The following FBXO10 variants were observed in gnomAD, a reference collection of about 807,000 sequenced individuals.
The protein encoded by FBXO10 is F-box only protein 10.
A neutral mutation model predicts 80.7 loss-of-function variants in FBXO10; 39 were observed. That is an observed-to-expected ratio of 0.48 (90% CI 0.37 to 0.63). The LOEUF is 0.63. Ranked by LOEUF, FBXO10 falls within the 30% of genes least tolerant of loss-of-function variation. FBXO10 has a pLI of 0.00. For synonymous variants in FBXO10, 449 were observed against 489.6 expected (o/e 0.92, Z 1.09); for missense variants, 1,025 against 1,269.0 (o/e 0.81, Z 2.92).
intron 10 of FBXO10, chr9:37,514,930 A>T (rs752708425): frequency 1.3e-5 from 2 of 152,124 alleles, no homozygotes; most frequent in Non-Finnish European, 2.9e-5. Context: ...AAGTATGGAG[A>T]TCATTACAAC....
chr9:37,545,937 G>A (rs945109420), intron 1 of FBXO10, among the ~76,000 whole-genome samples: 7 of 151,978 alleles, frequency 4.6e-5, no homozygotes, highest in African/African-American at 1.5e-4. Context: ...ACTTGAAGTC[G>A]GGAGTTCAAG....
intron 4 of FBXO10, among the ~76,000 whole-genome samples, chr9:37,529,779 T>C (rs943759031): frequency 6.6e-6 from 1 of 151,846 alleles, no homozygotes; most frequent in African/African-American, 2.4e-5. Context: ...GGGGCCAAGC[T>C]GTCCCATGGG....
At chr9:37,546,374 G>C (rs1427668813) in intron 1 of FBXO10, among the ~76,000 whole-genome samples, 2 of 152,022 alleles carry the variant, frequency 1.3e-5, no homozygotes, top group African/African-American at 4.8e-5. Flanking sequence ...GGGTGGGGAG[G>C]AGGGGCAGTT....
intron 1 of FBXO10, among the ~76,000 whole-genome samples, chr9:37,542,618 C>T (rs898856948): frequency 9.9e-5 from 14 of 142,026 alleles, no homozygotes; most frequent in Admixed American, 2.1e-4. Flanking sequence ...AAAAAGGATA[C>T]GACTCCGGAA....
intron 2 of FBXO10, among the ~76,000 whole-genome samples, chr9:37,539,217 C>T (rs1396537469): frequency 1.3e-5 from 2 of 152,204 alleles, no homozygotes; most frequent in South Asian, 4.1e-4. Flanking sequence ...CTAATTTCTT[C>T]CTTATGGCTA....
At chr9:37,563,723 T>C (rs1215646102) in intron 1 of FBXO10, among the ~76,000 whole-genome samples, 1 of 152,136 alleles carries the variant, frequency 6.6e-6, no homozygotes, top group Non-Finnish European at 1.5e-5. Context: ...TGATTCAGGG[T>C]ATCTGGCAGA....
rs748286174 is a variant in FBXO10, at chr9:37,522,877, A to G, written c.1878T>C (p.Gly626=). 6 of 1,558,220 alleles carry G rather than the reference A, an allele frequency of 3.9e-6. No individual in the cohort carries two copies. The highest frequency in any genetic ancestry group is 5.2e-6 in the Non-Finnish European group (6 of 1,150,858). ...CTTTGCCTTCGTCTCCCACAACCACACCATCTGAATAGCCAAAGCAGATGA... is the reference window on the plus strand; with the variant it reads ...CTTTGCCTTCGTCTCCCACAACCACGCCATCTGAATAGCCAAAGCAGATGA... ...SNLICFGYSD[G]VVVGDEGKGL... Residue 626 remains glycine, a synonymous_variant, in exon 7 of 11, where the codon GGT becomes GGC. Transcript: ENST00000432825.
At position 37,541,236 on chromosome 9, in the gene FBXO10, C is replaced by A; in HGVS notation, c.533G>T (p.Arg178Leu). 1 of 1,613,190 alleles carries A rather than the reference C, an allele frequency of 6.2e-7. No homozygotes were observed. The highest frequency in any genetic ancestry group is 8.5e-7 in the Non-Finnish European group (1 of 1,179,472). The change falls in exon 2 of 11, where the codon CGC (arginine) becomes CTC (leucine). Residue 178 changes from arginine (R) to leucine (L), a missense_variant. By Grantham distance (102) the Arg-to-Leu change is moderately radical. This residue lies in a region of FBXO10 where 450 missense variants were observed against 499.4 expected (regional missense o/e 0.90). Transcript: ENST00000432825. ...ASIDQHCSTT[R>L]LCNLVFTPAW... ...TGGCGTGAAGACGAGGTTGCACAGG[C>A]GTGTGGTTGAGCAGTGCTGATCAAT...
At chr9:37,573,032 T>C (rs376521952) in intron 1 of FBXO10, among the ~76,000 whole-genome samples, 6 of 152,106 alleles carry the variant, frequency 3.9e-5, no homozygotes, top group African/African-American at 1.4e-4. Context: ...CCTCTTTACA[T>C]ATGGAAAAGT....
chr9:37,550,320 T>C (rs1056925216), intron 1 of FBXO10, among the ~76,000 whole-genome samples: 4 of 150,784 alleles, frequency 2.7e-5, no homozygotes, highest in Non-Finnish European at 4.4e-5. Context: ...GTAGCTGGTA[T>C]TACAGGCACC....
chr9:37,532,096 C>A, intron 3 of FBXO10, 38 bp from the exon 4 acceptor site: 1 of 1,587,190 alleles, frequency 6.3e-7, no homozygotes, highest in Non-Finnish European at 8.6e-7. Flanking sequence ...TTTCCTGTTA[C>A]AAATATTTTT....
rs990555575 is a variant in FBXO10, at chr9:37,560,818, G to T, written c.-7+15393C>A. Reference sequence around the variant, plus strand: ...ATGGAGGGAGTATGGCCTGAAGTAGGCCCCAAGTGGTTCCGTTTTTTGATT... The same window carrying T: ...ATGGAGGGAGTATGGCCTGAAGTAGTCCCCAAGTGGTTCCGTTTTTTGATT... On this transcript the variant is annotated intron_variant, in intron 1 of 10. Coordinates refer to ENST00000432825, the MANE Select transcript of FBXO10 (RefSeq NM_012166.3). 4.6e-5 allele frequency among the ~76,000 whole-genome samples: 7 copies of T among 152,172 alleles called. No homozygotes were observed. In the South Asian group the frequency reaches 1.0e-3, roughly 23 times the overall value.
At position 37,512,501 on chromosome 9, in the gene FBXO10, C is replaced by T. The variant is rs779408613; in HGVS notation, c.*46G>A. 6.9e-6 allele frequency: 11 copies of T among 1,584,136 alleles called. No homozygotes were observed. The East Asian group carries it at 2.5e-4, about 36-fold the overall frequency. The stretch of plus-strand genomic sequence containing the variant: ...TTCAGGCAGTATTTCCACCTTAGCT[C>T]CTCTGAGCACCCATCCAGGCTTGGC... On this transcript the variant is annotated 3_prime_UTR_variant, in exon 11 of 11. Transcript: ENST00000432825.
intron 8 of FBXO10, among the ~76,000 whole-genome samples, chr9:37,521,020 C>T (rs1320398390): frequency 4.6e-5 from 7 of 152,190 alleles, no homozygotes; most frequent in Non-Finnish European, 8.8e-5. Flanking sequence ...GGGATATTCA[C>T]AACAGGTTTT....
intron 1 of FBXO10, among the ~76,000 whole-genome samples, chr9:37,560,764 G>A (rs972765040): frequency 6.6e-6 from 1 of 152,058 alleles, no homozygotes; most frequent in Non-Finnish European, 1.5e-5. Flanking sequence ...GTAAAGAACT[G>A]GAAAAACAAT....
At chr9:37,551,987 A>G (rs766990944) in intron 1 of FBXO10, among the ~76,000 whole-genome samples, 1 of 152,214 alleles carries the variant, frequency 6.6e-6, no homozygotes, top group African/African-American at 2.4e-5. Flanking sequence ...GTCCTAGGAC[A>G]CAGACATTGA....
At chr9:37,573,496 T>C (rs1822812293) in intron 1 of FBXO10, among the ~76,000 whole-genome samples, 1 of 152,198 alleles carries the variant, frequency 6.6e-6, no homozygotes, top group Admixed American at 6.5e-5. Flanking sequence ...ATCCGTGGAC[T>C]GTGTAGGACA....
rs908123875 is a variant in FBXO10 at position 37,511,384 on chromosome 9, C to T, written c.*1163G>A. The T allele has an allele frequency of 6.5e-6, 1 of 152,726 alleles. No homozygotes were observed. Among genetic ancestry groups the T allele is most frequent in the African/African-American group, 2.4e-5 (1 of 41,468 alleles). 9.5% of individuals were successfully genotyped at this position (152,726 alleles called of 1,614,324 possible). ...GGCCTTCCTCTCCTCACTCAGGCCACTAATCCTACCCCAACCCCAGGCTGG... is the reference window on the plus strand; with the variant it reads ...GGCCTTCCTCTCCTCACTCAGGCCATTAATCCTACCCCAACCCCAGGCTGG... On this transcript the variant is annotated 3_prime_UTR_variant, in exon 11 of 11. Transcript: ENST00000432825.
intron 3 of FBXO10, among the ~76,000 whole-genome samples, chr9:37,536,900 C>G (rs1011117811): frequency 3.3e-5 from 5 of 152,192 alleles, no homozygotes; most frequent in African/African-American, 1.2e-4. Flanking sequence ...CTATGTGACC[C>G]TGAGTAAGCC....
Sources: allele counts gnomAD v4.1 joint callset (sites outside exome capture counted in the v4.1 genomes callset), GRCh38; gene constraint gnomAD v4.1.1; regional missense constraint gnomAD v4.1.1; transcripts MANE v1.5; gene names NCBI Gene and HGNC (gene_info 2026-07-23, HGNC 2026-07-21).